The following SNX27 variants were observed in gnomAD, a reference collection of about 807,000 sequenced individuals.
SNX27 encodes sorting nexin-27.
Under a neutral mutation model 71.6 loss-of-function variants are expected in SNX27, and 22 were observed. The observed-to-expected ratio is 0.31, with a 90% confidence interval of 0.22 to 0.44. SNX27 has a LOEUF of 0.44. SNX27 is among the 20% of genes least tolerant of loss of function. The pLI is 1.00. For synonymous variants in SNX27, 269 were observed against 277.2 expected (o/e 0.97, Z 0.29); for missense variants, 531 against 698.6 (o/e 0.76, Z 2.70).
At chr1:151,662,076 C>A in intron 4 of SNX27, 90 bp from the exon 5 acceptor site, 1 of 794,522 alleles carries the variant, frequency 1.3e-6, no homozygotes, top group Non-Finnish European at 2.0e-6. Context: ...TCTTCTCTAC[C>A]ACGTTTTAGG....
intron 1 of SNX27, among the ~76,000 whole-genome samples, chr1:151,631,520 C>G (rs1321607915): frequency 1.3e-5 from 2 of 152,128 alleles, no homozygotes; most frequent in Non-Finnish European, 2.9e-5. Flanking sequence ...AAGAACTTCT[C>G]CATGTTTGCA....
chr1:151,618,048 TG>T (rs1229121367), intron 1 of SNX27, among the ~76,000 whole-genome samples: 4 of 150,998 alleles, frequency 2.6e-5, no homozygotes, highest in Non-Finnish European at 5.9e-5. Context: ...TTTTTTTTTT[TG>T]TAGAGATGGG....
At chr1:151,694,089 TCTC>T in intron 11 of SNX27, 1 of 1,247,700 alleles carries the variant, frequency 8.0e-7, no homozygotes, top group Non-Finnish European at 1.0e-6. Context: ...ATCTGGGTTT[TCTC>T]CTGGCTTTTT....
intron 2 of SNX27, among the ~76,000 whole-genome samples, chr1:151,650,358 G>C (rs949689525): frequency 2.0e-5 from 3 of 152,040 alleles, no homozygotes; most frequent in African/African-American, 2.4e-5. Flanking sequence ...TTAGTTTTCA[G>C]AGTTTCATTT....
At chr1:151,641,996 G>T (rs1476141182) in intron 2 of SNX27, among the ~76,000 whole-genome samples, 1 of 140,400 alleles carries the variant, frequency 7.1e-6, no homozygotes, top group Non-Finnish European at 1.5e-5. Flanking sequence ...ATATATATGA[G>T]ATATATATAT....
intron 2 of SNX27, among the ~76,000 whole-genome samples, chr1:151,640,816 T>C (rs1668687879): frequency 6.6e-6 from 1 of 152,220 alleles, no homozygotes; most frequent in Non-Finnish European, 1.5e-5. Context: ...AGATTTAGAA[T>C]ATTTTCATAC....
rs1269583380 is a variant in SNX27, at chr1:151,646,643, A to G, written c.543+7524A>G. ...TATTATATATAGTATAACACTGTATATAGGTAAGTATATCTAATATATCTA... is the reference window on the plus strand; with the variant it reads ...TATTATATATAGTATAACACTGTATGTAGGTAAGTATATCTAATATATCTA... On this transcript the variant is annotated intron_variant, in intron 2 of 11. Coordinates refer to ENST00000458013, the MANE Select transcript of SNX27 (RefSeq NM_001330723.2). Among the ~76,000 whole-genome samples, 7 of 148,332 alleles carry G rather than the reference A, an allele frequency of 4.7e-5. No individual in the cohort carries two copies. In the South Asian group the frequency reaches 1.5e-3, roughly 31 times the overall value.
intron 2 of SNX27, among the ~76,000 whole-genome samples, chr1:151,651,940 C>G (rs1292524579): frequency 1.3e-5 from 2 of 152,084 alleles, no homozygotes; most frequent in Non-Finnish European, 2.9e-5. Context: ...GAGACTCCGT[C>G]TGCAATCCCG....
chr1:151,622,468 A>C (rs1259481522), intron 1 of SNX27, among the ~76,000 whole-genome samples: 2 of 152,226 alleles, frequency 1.3e-5, no homozygotes, highest in African/African-American at 2.4e-5. Flanking sequence ...ATAGAACTTC[A>C]GAATTATCAA....
At chr1:151,675,957 G>A (rs1670678009) in intron 7 of SNX27, 1 of 148,848 alleles carries the variant, frequency 6.7e-6, no homozygotes, top group South Asian at 2.1e-4. Context: ...CTCCCAAGTA[G>A]CTAGAACTAC....
intron 1 of SNX27, among the ~76,000 whole-genome samples, chr1:151,616,573 G>C (rs545359784): frequency 1.5e-4 from 23 of 152,272 alleles, no homozygotes; most frequent in Non-Finnish European, 3.2e-4. Context: ...TTATGTGAGA[G>C]TTTGAAAATG....
At chr1:151,670,032 C>T (rs1571850886) in intron 7 of SNX27, among the ~76,000 whole-genome samples, 1 of 152,190 alleles carries the variant, frequency 6.6e-6, no homozygotes, top group African/African-American at 2.4e-5. Context: ...ATCCCTGACT[C>T]TTCCCCAATT....
chr1:151,694,897 T>G lies in SNX27; in HGVS notation c.*480T>G, dbSNP rs1671629616. On this transcript the variant is annotated 3_prime_UTR_variant, in exon 12 of 12. Transcript: ENST00000458013. The stretch of plus-strand genomic sequence containing the variant: ...GCAGTACCTTTTTTAGCTTGTGTTT[T>G]TACACACCTTTCACTAGAATCCATG... 1 of 152,696 alleles carries G rather than the reference T, an allele frequency of 6.5e-6. No individual in the cohort carries two copies. The highest frequency in any genetic ancestry group is 2.4e-5 in the African/African-American group (1 of 41,456). The allele number at this position is 152,696 out of a possible 1,614,324, so 9.5% of individuals were successfully genotyped here. A position where few individuals can be genotyped will look rare whatever the true frequency, so the allele number is the denominator to read the frequency against.
intron 1 of SNX27, among the ~76,000 whole-genome samples, chr1:151,623,037 A>C (rs1259287149): frequency 6.6e-6 from 1 of 151,990 alleles, no homozygotes; most frequent in East Asian, 1.9e-4. Context: ...CAGTGGTATG[A>C]TCTCAGCTCA....
intron 1 of SNX27, among the ~76,000 whole-genome samples, chr1:151,635,620 A>T (rs6702842): frequency 1.4e-4 from 21 of 152,026 alleles, no homozygotes; most frequent in Admixed American, 3.3e-4. Context: ...CCCTTTTTCA[A>T]ATCAGACATC....
chr1:151,614,189 A>G (rs1322201220), intron 1 of SNX27: 2 of 152,012 alleles, frequency 1.3e-5, no homozygotes, highest in African/African-American at 4.8e-5. Context: ...AAAAAAAAAA[A>G]AGAAATAGTT....
At chr1:151,615,160 G>A (rs1571747565) in intron 1 of SNX27, among the ~76,000 whole-genome samples, 1 of 152,190 alleles carries the variant, frequency 6.6e-6, no homozygotes, top group African/African-American at 2.4e-5. Flanking sequence ...ACTCTGCCTA[G>A]AAGACCTCTC....
intron 6 of SNX27, among the ~76,000 whole-genome samples, chr1:151,668,269 C>T (rs947177499): frequency 6.6e-6 from 1 of 152,210 alleles, no homozygotes; most frequent in Non-Finnish European, 1.5e-5. Flanking sequence ...TGAGACTTGA[C>T]TGGCCATGGC....
At chr1:151,655,397 G>T (rs72692745) in intron 2 of SNX27, among the ~76,000 whole-genome samples, 1 of 152,202 alleles carries the variant, frequency 6.6e-6, no homozygotes, top group South Asian at 2.1e-4. Context: ...TCCTTAGATC[G>T]TTATTCAGTC....
Sources: gnomAD v4.1 joint callset for allele counts (sites outside exome capture counted in the v4.1 genomes callset) on GRCh38, gnomAD v4.1.1 for gene constraint, MANE v1.5 for transcripts, NCBI Gene and HGNC (gene_info 2026-07-23, HGNC 2026-07-21) for gene names.